The following DLC1 variants were observed in gnomAD, a reference collection of about 807,000 sequenced individuals.
DLC1 encodes the protein rho GTPase-activating protein 7.
DLC1 carries 54 observed loss-of-function variants against 140.3 expected under a neutral mutation model. The ratio of observed to expected loss-of-function variants is 0.38; its 90% CI spans 0.31 to 0.48. DLC1 has a LOEUF of 0.48. Ranked by LOEUF, DLC1 falls within the 20% of genes least tolerant of loss-of-function variation. The pLI, the probability that DLC1 is intolerant of heterozygous loss-of-function variation, is 0.96. For missense variants in DLC1, 2,536 were observed against 1,907.0 expected (o/e 1.33, Z -6.14); for synonymous variants, 986 against 728.1 (o/e 1.35, Z -5.70).
chr8:13,580,122 T>TTTTTTTTA (rs1033147186), intron 1 of DLC1, among the ~76,000 whole-genome samples: 1 of 220 alleles, frequency 4.5e-3, no homozygotes, highest in South Asian at 0.12. Context: ...GTTGGTTACA[T>TTTTTTTTA]TTATTTTTTT....
At chr8:13,462,716 A>T (rs568595892) in intron 2 of DLC1, among the ~76,000 whole-genome samples, 1 of 152,120 alleles carries the variant, frequency 6.6e-6, no homozygotes, top group South Asian at 2.1e-4. Context: ...TACTATTCTT[A>T]TTCTTGGTAA....
intron 5 of DLC1, among the ~76,000 whole-genome samples, chr8:13,275,618 G>T (rs185064864): frequency 2.2e-3 from 332 of 152,264 alleles, no homozygotes; most frequent in African/African-American, 7.4e-3. Context: ...CTGGACCCCT[G>T]CAAACACAGT....
chr8:13,147,338 TC>T (rs983587014), intron 5 of DLC1, among the ~76,000 whole-genome samples: 11 of 152,358 alleles, frequency 7.2e-5, no homozygotes, highest in Admixed American at 2.6e-4. Context: ...GATTTCTTTT[TC>T]CCCTTTTCAA....
chr8:13,286,801 C>G (rs1586072993), intron 5 of DLC1, among the ~76,000 whole-genome samples: 1 of 147,188 alleles, frequency 6.8e-6, no homozygotes, highest in Admixed American at 6.7e-5. Context: ...TAAAGAAAGA[C>G]AAGTGAGGAG....
Position 13,418,337 on chromosome 8 carries a change from C to T in DLC1, c.1024-16718G>A, listed in dbSNP as rs997344614. On this transcript the variant is annotated intron_variant, in intron 2 of 17. Transcript: ENST00000276297. ...TGCCTAGGTTTTCTTCTAGGGTTTT[C>T]ATCGTTTTAGGTCTAACGTTTCAGT... Among the ~76,000 whole-genome samples the T allele has an allele frequency of 1.8e-3, 273 of 152,212 alleles. 1 individual carries two copies. Among genetic ancestry groups the T allele is most frequent in the African/African-American group, 6.4e-3 (265 of 41,526 alleles).
chr8:13,462,396 CTTTT>C (rs869264457), intron 2 of DLC1, among the ~76,000 whole-genome samples: 2 of 131,120 alleles, frequency 1.5e-5, no homozygotes, highest in Admixed American at 7.8e-5. Context: ...CATTACTATT[CTTTT>C]TTTTTTTTTT....
Position 13,141,256 on chromosome 8 carries a change from C to CAAAAAA in DLC1, c.1349-25605_1349-25600dup, listed in dbSNP as rs34321250. 3.5e-3 allele frequency among the ~76,000 whole-genome samples: 220 copies of CAAAAAA among 63,744 alleles called. 27 individuals are homozygous for CAAAAAA. The highest frequency in any genetic ancestry group is 0.013 in the Admixed American group (55 of 4,318). The allele number at this position is 63,744 out of a possible 152,430, so 41.8% of individuals were successfully genotyped here. A position where few individuals can be genotyped will look rare whatever the true frequency, so the allele number is the denominator to read the frequency against. ...GGTGACACAGTGCAAGAGTCTGTCT[C>CAAAAAA]AAAAAAAAAAAAAAAAAAAAAAAAA... On this transcript the variant is annotated intron_variant, in intron 5 of 17. Transcript: ENST00000276297.
At chr8:13,392,985 TG>T (rs1268792164) in intron 4 of DLC1, among the ~76,000 whole-genome samples, 1 of 152,238 alleles carries the variant, frequency 6.6e-6, no homozygotes, top group Non-Finnish European at 1.5e-5. Context: ...TTGATGTGGA[TG>T]TTTTATATAT....
chr8:13,288,454 G>A (rs1831620816), intron 5 of DLC1, among the ~76,000 whole-genome samples: 1 of 152,138 alleles, frequency 6.6e-6, no homozygotes, highest in Non-Finnish European at 1.5e-5. Context: ...CTGCTCAATT[G>A]CATCACTGTG....
chr8:13,318,362 G>C (rs887831549), intron 4 of DLC1, among the ~76,000 whole-genome samples: 1 of 152,042 alleles, frequency 6.6e-6, no homozygotes, highest in East Asian at 1.9e-4. Context: ...AACTACCAAA[G>C]GGATAGTGTT....
chr8:13,352,301 G>C (rs1176180916), intron 4 of DLC1, among the ~76,000 whole-genome samples: 1 of 152,200 alleles, frequency 6.6e-6, no homozygotes, highest in East Asian at 1.9e-4. Context: ...GAGAGCCTTT[G>C]ATCCATTCAG....
chr8:13,283,368 A>C (rs1404501186), intron 5 of DLC1, among the ~76,000 whole-genome samples: 1 of 152,078 alleles, frequency 6.6e-6, no homozygotes, highest in Admixed American at 6.6e-5. Context: ...TATACGATAC[A>C]TTGTGAAGTA....
intron 2 of DLC1, among the ~76,000 whole-genome samples, chr8:13,432,741 G>A (rs185231675): frequency 7.9e-5 from 12 of 152,156 alleles, no homozygotes; most frequent in Non-Finnish European, 1.8e-4. Context: ...ATTTTTAAGT[G>A]TAGTTCCAGT....
At chr8:13,249,818 C>A (rs925806577) in intron 5 of DLC1, among the ~76,000 whole-genome samples, 2 of 152,292 alleles carry the variant, frequency 1.3e-5, no homozygotes, top group African/African-American at 2.4e-5. Flanking sequence ...CCCCATTGAT[C>A]CTTCTTTTTC....
chr8:13,412,771 A>C (rs1734517738), intron 2 of DLC1, among the ~76,000 whole-genome samples: 1 of 151,936 alleles, frequency 6.6e-6, no homozygotes, highest in Admixed American at 6.6e-5. Context: ...TCTGTACTAA[A>C]AATACAAAAA....
intron 1 of DLC1, among the ~76,000 whole-genome samples, chr8:13,510,099 C>G (rs1353765576): frequency 2.0e-5 from 3 of 151,722 alleles, no homozygotes; most frequent in Non-Finnish European, 4.4e-5. Flanking sequence ...ACTATCTCTT[C>G]TATGTCCATG....
chr8:13,391,041 A>T (rs948553580), intron 4 of DLC1, among the ~76,000 whole-genome samples: 3 of 151,358 alleles, frequency 2.0e-5, no homozygotes, highest in African/African-American at 7.3e-5. Flanking sequence ...TACTCTTATT[A>T]TTGGCCATTT....
intron 4 of DLC1, among the ~76,000 whole-genome samples, chr8:13,382,664 A>G (rs965563955): frequency 1.3e-5 from 2 of 152,180 alleles, no homozygotes; most frequent in Non-Finnish European, 2.9e-5. Context: ...AGAAACAATG[A>G]AAAACAAATG....
At chr8:13,408,971 C>A (rs1418530410) in intron 2 of DLC1, among the ~76,000 whole-genome samples, 1 of 151,894 alleles carries the variant, frequency 6.6e-6, no homozygotes, top group Non-Finnish European at 1.5e-5. Flanking sequence ...CAAAAAAAGA[C>A]ATAAGTAAAC....
Sources: gnomAD v4.1 joint callset for allele counts (sites outside exome capture counted in the v4.1 genomes callset) on GRCh38, gnomAD v4.1.1 for gene constraint, MANE v1.5 for transcripts, NCBI Gene and HGNC (gene_info 2026-07-23, HGNC 2026-07-21) for gene names.